RAB2B: variants seen among roughly 807,000 people sequenced by gnomAD.
The protein encoded by RAB2B is ras-related protein Rab-2B.
RAB2B carries 20 observed loss-of-function variants against 29.8 expected under a neutral mutation model. That is an observed-to-expected ratio of 0.67 (90% CI 0.47 to 0.97). RAB2B has a LOEUF of 0.97. RAB2B is among the 50% of genes least tolerant of loss of function. RAB2B has a pLI of 0.00. For synonymous variants in RAB2B, 93 were observed against 91.7 expected, an observed-to-expected ratio of 1.01 and a Z score of -0.08; for missense variants, 218 against 272.0, an observed-to-expected ratio of 0.80 and a Z score of 1.40.
intron 3 of RAB2B, among the ~76,000 whole-genome samples, chr14:21,470,513 CAT>C (rs919630113): frequency 4.1e-4 from 63 of 152,186 alleles, no homozygotes; most frequent in African/African-American, 1.3e-3. Context: ...ATCATAGAAA[CAT>C]GTGAGTGAGT....
At chr14:21,475,419 C>A (rs1890924267) in intron 2 of RAB2B, among the ~76,000 whole-genome samples, 2 of 145,244 alleles carry the variant, frequency 1.4e-5, no homozygotes, top group African/African-American at 2.5e-5. Context: ...AATAGGTTCT[C>A]AGAAACAATA....
intron 5 of RAB2B, among the ~76,000 whole-genome samples, chr14:21,467,012 T>C (rs1890701968): frequency 6.6e-6 from 1 of 152,006 alleles, no homozygotes; most frequent in Admixed American, 6.6e-5. Context: ...GTTCAAGCAA[T>C]TCTCCTGCCT....
chr14:21,467,488 T>C (rs1468673482), intron 5 of RAB2B, among the ~76,000 whole-genome samples: 1 of 152,224 alleles, frequency 6.6e-6, no homozygotes, highest in Non-Finnish European at 1.5e-5. Flanking sequence ...AAAATACTCA[T>C]GTTGTTTGGG....
At chr14:21,474,226 T>C (rs1890891850) in intron 3 of RAB2B, among the ~76,000 whole-genome samples, 1 of 152,132 alleles carries the variant, frequency 6.6e-6, no homozygotes, top group Admixed American at 6.6e-5. Flanking sequence ...TCTGCAATAC[T>C]TAAAAATTGG....
chr14:21,473,925 T>C (rs1350576280), intron 3 of RAB2B, among the ~76,000 whole-genome samples: 1 of 152,052 alleles, frequency 6.6e-6, no homozygotes, highest in African/African-American at 2.4e-5. Context: ...GACAGGAGAA[T>C]GGCACGAACC....
chr14:21,465,601 A>C (rs1327980216), intron 5 of RAB2B, among the ~76,000 whole-genome samples: 1 of 152,182 alleles, frequency 6.6e-6, no homozygotes, highest in African/African-American at 2.4e-5. Context: ...TCTCCTCCAG[A>C]GTGATCTTTT....
intron 3 of RAB2B, 46 bp downstream of exon 3, chr14:21,474,821 T>C (rs760792125): frequency 6.7e-7 from 1 of 1,502,288 alleles, no homozygotes; most frequent in Non-Finnish European, 9.3e-7. Context: ...GCTTTTCTTG[T>C]TATACTTGGA....
chr14:21,464,159 T>C (rs1265265527), intron 5 of RAB2B, among the ~76,000 whole-genome samples: 1 of 151,814 alleles, frequency 6.6e-6, no homozygotes, highest in Non-Finnish European at 1.5e-5. Context: ...CCCAGCTCTT[T>C]GGGATGCCGA....
intron 3 of RAB2B, among the ~76,000 whole-genome samples, chr14:21,472,695 G>A (rs6571845): frequency 0.81 from 123,518 of 152,092 alleles, 51,444 homozygotes; most frequent in Middle Eastern, 0.92. Context: ...AGTTCTTAAG[G>A]ATTCTGTCCA....
chr14:21,462,718 T>G (rs984319564), intron 6 of RAB2B, among the ~76,000 whole-genome samples: 1 of 151,264 alleles, frequency 6.6e-6, no homozygotes, highest in Non-Finnish European at 1.5e-5. Context: ...CGCATGCCTG[T>G]AATTCCAGTT....
In RAB2B at chr14:21,462,399, T is replaced by C; in HGVS notation, c.494A>G (p.Lys165Arg). Reference sequence around the variant, plus strand: ...CTGCTGGATCTTCCTATATATTTCTTTGGCTGTGTTAATGAAGGCCTGAAA... The same window carrying C: ...CTGCTGGATCTTCCTATATATTTCTCTGGCTGTGTTAATGAAGGCCTGAAA... ...NVEEAFINTA[K>R]EIYRKIQQGL... Residue 165 changes from lysine to arginine, a missense_variant, in exon 7 of 8, where the codon AAA (lysine) becomes AGA (arginine). Transcript: ENST00000397762. 1.9e-6 allele frequency: 3 copies of C among 1,613,608 alleles called. No individual in the cohort carries two copies. The highest frequency in any genetic ancestry group is 2.5e-6 in the Non-Finnish European group (3 of 1,179,746).
chr14:21,468,076 A>C (rs1348906424), intron 5 of RAB2B, among the ~76,000 whole-genome samples: 2 of 151,950 alleles, frequency 1.3e-5, no homozygotes, highest in Non-Finnish European at 2.9e-5. Context: ...GAAGATGGAG[A>C]GTTAGTGTTG....
At chr14:21,465,925 CTT>C (rs1890675441) in intron 5 of RAB2B, among the ~76,000 whole-genome samples, 2 of 152,220 alleles carry the variant, frequency 1.3e-5, no homozygotes, top group Admixed American at 6.5e-5. Context: ...TTAAAAAAAT[CTT>C]TGCCCAGCAG....
rs74662588 is a variant in RAB2B, at chr14:21,474,386, A to G, written c.186+481T>C. The G allele has an allele frequency of 4.1e-3, 656 of 158,104 alleles. 36 individuals are homozygous for G. In the East Asian group the frequency reaches 0.1, roughly 24 times the overall value. The allele number at this position is 158,104 out of a possible 1,614,324, so 9.8% of individuals were successfully genotyped here. A position where few individuals can be genotyped will look rare whatever the true frequency, so the allele number is the denominator to read the frequency against. ...ACAACATAGAGATTGTTTAATATAC[A>G]ATCTAAGTCACACAACTAGGTCTAC... On this transcript the variant is annotated intron_variant, in intron 3 of 7. Transcript: ENST00000397762.
chr14:21,459,959 A>G lies in RAB2B; in HGVS notation c.*1237T>C. ...CCTAAAATAAAATGAACAGGGAACA[A>G]ATGTTTTCTTTAGGTAATAATAAGT... is the stretch of plus-strand genomic sequence containing the variant. On this transcript the variant is annotated 3_prime_UTR_variant, in exon 8 of 8. Coordinates refer to ENST00000397762, the MANE Select transcript of RAB2B (RefSeq NM_032846.4). The G allele has an allele frequency of 3.0e-6, 1 of 333,828 alleles. No homozygotes were observed. Among genetic ancestry groups the G allele is most frequent in the South Asian group, 2.4e-5 (1 of 42,118 alleles). 20.7% of individuals were successfully genotyped at this position (333,828 alleles called of 1,614,324 possible).
intron 3 of RAB2B, among the ~76,000 whole-genome samples, chr14:21,471,615 C>CA (rs71419137): frequency 0.25 from 15,825 of 63,928 alleles, 1,150 homozygotes; most frequent in Admixed American, 0.32. Context: ...AAGACCCTGT[C>CA]AAAAAAAAAA....
chr14:21,472,602 C>T (rs1218045057), intron 3 of RAB2B, among the ~76,000 whole-genome samples: 1 of 152,100 alleles, frequency 6.6e-6, no homozygotes, highest in Non-Finnish European at 1.5e-5. Context: ...GAAACTGGTT[C>T]CTTTTTATGA....
Position 21,464,333 on chromosome 14 carries a change from G to A in RAB2B, c.363-566C>T, listed in dbSNP as rs569509502. Among the ~76,000 whole-genome samples, 10 of 152,296 alleles carry A rather than the reference G, an allele frequency of 6.6e-5. No homozygotes were observed. In the East Asian group the frequency reaches 1.7e-3, roughly 27 times the overall value. On this transcript the variant is annotated intron_variant, in intron 5 of 7. Transcript: ENST00000397762. The stretch of plus-strand genomic sequence containing the variant: ...GAGAATTGCTTGAACATGGGAGGCG[G>A]AAGTTGCAGTAAACTGAGATCGCGC...
chr14:21,476,029 C>T (rs568829309), intron 2 of RAB2B, among the ~76,000 whole-genome samples: 84 of 152,324 alleles, frequency 5.5e-4, no homozygotes, highest in South Asian at 3.5e-3. Flanking sequence ...TTTCCAGGAT[C>T]GCCAGTGCGT....
Sources: allele counts gnomAD v4.1 joint callset (sites outside exome capture counted in the v4.1 genomes callset), GRCh38; gene constraint gnomAD v4.1.1; transcripts MANE v1.5; gene names NCBI Gene and HGNC (gene_info 2026-07-23, HGNC 2026-07-21).